The following MRE11 variants were observed in gnomAD, a reference collection of about 807,000 sequenced individuals.
MRE11 encodes the protein MRE11 double strand break repair nuclease.
In MRE11, 62 loss-of-function variants were observed where a neutral mutation model predicts 91.7. The observed-to-expected ratio is 0.68, with a 90% CI of 0.55 to 0.84. The LOEUF is 0.84. Ranked by LOEUF, MRE11 falls within the 40% of genes least tolerant of loss-of-function variation. The pLI is 0.00. For missense variants in MRE11, 796 were observed against 852.9 expected, an observed-to-expected ratio of 0.93 and a Z score of 0.83; for synonymous variants, 273 against 271.4, an observed-to-expected ratio of 1.01 and a Z score of -0.06.
chr11:94,477,570 A>T (rs924906785), intron 6 of MRE11, among the ~76,000 whole-genome samples: 3 of 152,202 alleles, frequency 2.0e-5, no homozygotes. Flanking sequence ...GAAGTGGCCT[A>T]GCTCCCAAGG....
At chr11:94,502,943 G>C in the MRE11 span, among the ~76,000 whole-genome samples, 1 of 152,076 alleles carries the variant, frequency 6.6e-6, no homozygotes, top group Non-Finnish European at 1.5e-5. Flanking sequence ...CCAAAGTGCT[G>C]GGATTACAGA....
chr11:94,450,009 C>T (rs575552103), intron 14 of MRE11, among the ~76,000 whole-genome samples: 1 of 152,230 alleles, frequency 6.6e-6, no homozygotes, highest in South Asian at 2.1e-4. Flanking sequence ...TTTCAAATGA[C>T]CCCCTCAACA....
chr11:94,510,776 T>C, the MRE11 span, among the ~76,000 whole-genome samples: 1 of 152,226 alleles, frequency 6.6e-6, no homozygotes, highest in African/African-American at 2.4e-5. Flanking sequence ...AGCCAAGGCA[T>C]GTTGGCAGTA....
chr11:94,486,144 T>C (rs1180390942), intron 3 of MRE11, 60 bp from the exon 4 acceptor site: 3 of 1,543,360 alleles, frequency 1.9e-6, no homozygotes, highest in Admixed American at 1.8e-5. Context: ...TTTTGTAAAC[T>C]ACAGATGAAA....
In MRE11 at chr11:94,456,482, AATT is replaced by A. The variant is rs1292922457; in HGVS notation, c.1501-147_1501-145del. ...TCACAAAAGTAAATCATATTTTTCC[AATT>A]ATTAACGTTAAAATTGCACAATGTA... On this transcript the variant is annotated intron_variant, in intron 13 of 19. Transcript: ENST00000323929. 29 of 707,122 alleles carry A rather than the reference AATT, an allele frequency of 4.1e-5. No individual in the cohort carries two copies. The African/African-American group carries it at 4.9e-4, about 12-fold the overall frequency. 43.8% of individuals were successfully genotyped at this position (707,122 alleles called of 1,614,324 possible). A position where few individuals can be genotyped will look rare whatever the true frequency, so the allele number is the denominator to read the frequency against.
At chr11:94,476,830 T>G (rs1373915771) in intron 6 of MRE11, among the ~76,000 whole-genome samples, 2 of 152,050 alleles carry the variant, frequency 1.3e-5, no homozygotes, top group African/African-American at 2.4e-5. Flanking sequence ...AAGGGATTCT[T>G]GTGCCTCAGC....
chr11:94,506,909 G>A, the MRE11 span, among the ~76,000 whole-genome samples: 1 of 151,734 alleles, frequency 6.6e-6, no homozygotes, highest in Non-Finnish European at 1.5e-5. Flanking sequence ...TTTGTTTTGT[G>A]CATATTTTTT....
At chr11:94,459,224 G>A (rs1489464568) in intron 13 of MRE11, among the ~76,000 whole-genome samples, 184 bp downstream of exon 13, 1 of 152,150 alleles carries the variant, frequency 6.6e-6, no homozygotes, top group Non-Finnish European at 1.5e-5. Flanking sequence ...CCATATGCAA[G>A]ACTCTGTTCT....
chr11:94,511,575 C>G, the MRE11 span, among the ~76,000 whole-genome samples: 1 of 152,054 alleles, frequency 6.6e-6, no homozygotes, highest in Non-Finnish European at 1.5e-5. Context: ...CGTCTTTCAT[C>G]GTAGGAAATC....
chr11:94,494,772 T>G (rs1386881087), upstream of MRE11, among the ~76,000 whole-genome samples: 1 of 151,954 alleles, frequency 6.6e-6, no homozygotes, highest in Non-Finnish European at 1.5e-5. Flanking sequence ...ATAAAGGGAG[T>G]TTTTATTGAA....
Position 94,437,255 on chromosome 11 carries a change from A to G in MRE11, c.1868-20T>C. On this transcript the variant is annotated intron_variant, in intron 16 of 19. Transcript: ENST00000323929. ...TAAAGGCTAGAATGAAAAAGATGAAATGTGCATTATGTTATTCTTAAAATA... is the reference window on the plus strand; with the variant it reads ...TAAAGGCTAGAATGAAAAAGATGAAGTGTGCATTATGTTATTCTTAAAATA... 6.2e-7 allele frequency: 1 copy of G among 1,606,604 alleles called. No homozygotes were observed. The highest frequency in any genetic ancestry group is 8.5e-7 in the Non-Finnish European group (1 of 1,175,848).
intron 13 of MRE11, among the ~76,000 whole-genome samples, chr11:94,458,227 G>A (rs1343736514): frequency 2.6e-5 from 4 of 150,952 alleles, no homozygotes; most frequent in Non-Finnish European, 5.9e-5. Flanking sequence ...CTTCTGCTTA[G>A]GGAGAATCTG....
At position 94,419,918 on chromosome 11, in the gene MRE11, A is replaced by G. The variant is rs747571278; in HGVS notation, c.*207T>C. ...AGCTTTATTTTAATCTTTACTCAAG[A>G]GTGATATTGAAACAAAGCTCTTACT... On this transcript the variant is annotated 3_prime_UTR_variant, in exon 20 of 20. Coordinates refer to ENST00000323929, the MANE Select transcript of MRE11 (RefSeq NM_005591.4). The G allele has an allele frequency of 3.8e-5, 16 of 419,224 alleles. No individual in the cohort carries two copies. The highest frequency in any genetic ancestry group is 6.9e-5 in the Non-Finnish European group (16 of 231,076). The allele number at this position is 419,224 out of a possible 1,614,324, so 26.0% of individuals were successfully genotyped here.
At chr11:94,425,929 C>T (rs1945302820) in intron 19 of MRE11, among the ~76,000 whole-genome samples, 1 of 152,112 alleles carries the variant, frequency 6.6e-6, no homozygotes, top group Non-Finnish European at 1.5e-5. Flanking sequence ...AACATCCAGG[C>T]AGAAAACTAA....
At chr11:94,489,178 T>G (rs887433522) in intron 3 of MRE11, among the ~76,000 whole-genome samples, 11 of 151,772 alleles carry the variant, frequency 7.2e-5, no homozygotes, top group African/African-American at 2.2e-4. Context: ...AGTAATGTGA[T>G]AAAACAGTGC....
intron 11 of MRE11, among the ~76,000 whole-genome samples, chr11:94,463,084 G>C (rs903728972): frequency 6.6e-5 from 10 of 152,096 alleles, no homozygotes; most frequent in Non-Finnish European, 1.0e-4. Context: ...AAATTTATAA[G>C]AAAAAATCAA....
intron 10 of MRE11, among the ~76,000 whole-genome samples, chr11:94,464,745 T>C (rs1230367610): frequency 6.6e-6 from 1 of 152,190 alleles, no homozygotes. Flanking sequence ...CTCCAAAACA[T>C]GGTATCTCAC....
chr11:94,489,337 A>G (rs1267131245), intron 3 of MRE11, among the ~76,000 whole-genome samples: 1 of 151,922 alleles, frequency 6.6e-6, no homozygotes, highest in Non-Finnish European at 1.5e-5. Context: ...AGCACTGTAA[A>G]TCAGGCAGAG....
At chr11:94,433,937 ATGCCCGTCCTG>A (rs1267959237) in intron 18 of MRE11, among the ~76,000 whole-genome samples, 1 of 152,152 alleles carries the variant, frequency 6.6e-6, no homozygotes, top group African/African-American at 2.4e-5. Flanking sequence ...TTCAAAGTAG[ATGCCCGTCCTG>A]TGCCACTGTT....
Sources: gnomAD v4.1 joint callset for allele counts (sites outside exome capture counted in the v4.1 genomes callset) on GRCh38, gnomAD v4.1.1 for gene constraint, MANE v1.5 for transcripts, NCBI Gene and HGNC (gene_info 2026-07-23, HGNC 2026-07-21) for gene names.